Variants in WWOX observed in about 807,000 individuals in gnomAD.
WWOX encodes WW domain-containing oxidoreductase.
A neutral mutation model predicts 46.2 loss-of-function variants in WWOX; 69 were observed. The observed-to-expected ratio is 1.49, with a 90% confidence interval of 1.23 to 1.82. The LOEUF (loss-of-function observed/expected upper bound fraction) is 1.82, where lower values mean the gene tolerates loss of function less well. Among genes scored for constraint, WWOX ranks in the 40% most tolerant of loss-of-function variants. The pLI is 0.00. For synonymous variants in WWOX, 359 were observed against 202.6 expected, an observed-to-expected ratio of 1.77 and a Z score of -6.56; for missense variants, 919 against 542.6, an observed-to-expected ratio of 1.69 and a Z score of -6.89.
At chr16:78,806,085 C>T (rs1461689091) in intron 8 of WWOX, among the ~76,000 whole-genome samples, 1 of 152,150 alleles carries the variant, frequency 6.6e-6, no homozygotes, top group Non-Finnish European at 1.5e-5. Context: ...AATATATAAT[C>T]CCATAAATCT....
chr16:78,155,561 G>A (rs1421155800), intron 4 of WWOX, among the ~76,000 whole-genome samples: 1 of 152,152 alleles, frequency 6.6e-6, no homozygotes, highest in Non-Finnish European at 1.5e-5. Flanking sequence ...AAAAACTGAT[G>A]CTGTTCATTG....
chr16:78,296,243 T>G (rs1325549164), intron 5 of WWOX, among the ~76,000 whole-genome samples: 1 of 149,882 alleles, frequency 6.7e-6, no homozygotes, highest in Non-Finnish European at 1.5e-5. Flanking sequence ...CTATATAAAT[T>G]TATAAATTGG....
intron 5 of WWOX, among the ~76,000 whole-genome samples, chr16:78,382,177 C>A (rs62035788): frequency 0.057 from 8,650 of 152,132 alleles, 335 homozygotes; most frequent in Middle Eastern, 0.11. Flanking sequence ...TGTTGTTGTT[C>A]CTCACTTTCT....
intron 8 of WWOX, among the ~76,000 whole-genome samples, chr16:78,547,227 T>C (rs372960373): frequency 2.6e-4 from 39 of 150,964 alleles, no homozygotes; most frequent in African/African-American, 7.1e-4. Context: ...TGAACATTGA[T>C]TGAGCCTTTA....
rs1231079672 is a variant in WWOX, at chr16:78,144,429, C to CTATATA, written c.410-19741_410-19736dup. On this transcript the variant is annotated intron_variant, in intron 4 of 8. Transcript: ENST00000566780. ...GGTGCAAACGTGGTTTTTGCCATTA[C>CTATATA]TATATATATATATATATACACATAT... is the stretch of plus-strand genomic sequence containing the variant. 3.4e-3 allele frequency among the ~76,000 whole-genome samples: 53 copies of CTATATA among 15,388 alleles called. 7 individuals are homozygous for CTATATA. The highest frequency in any genetic ancestry group is 5.2e-3 in the African/African-American group (19 of 3,668). 10.1% of individuals were successfully genotyped at this position (15,388 alleles called of 152,430 possible).
chr16:78,698,733 A>G (rs1476632720), intron 8 of WWOX, among the ~76,000 whole-genome samples: 1 of 152,140 alleles, frequency 6.6e-6, no homozygotes, highest in Non-Finnish European at 1.5e-5. Flanking sequence ...CCCATCTACT[A>G]AGGAGACTGA....
At chr16:78,827,689 A>C (rs1484635121) in intron 8 of WWOX, among the ~76,000 whole-genome samples, 1 of 151,838 alleles carries the variant, frequency 6.6e-6, no homozygotes, top group Non-Finnish European at 1.5e-5. Flanking sequence ...AAAAAAAAAA[A>C]AATTAGCCAG....
intron 8 of WWOX, among the ~76,000 whole-genome samples, chr16:79,132,990 C>G (rs1597403619): frequency 6.6e-6 from 1 of 152,114 alleles, no homozygotes; most frequent in Non-Finnish European, 1.5e-5. Context: ...TTGGATCTTA[C>G]CAGTCCTGGC....
rs945523580 is a variant in WWOX at position 78,508,069 on chromosome 16, A to G, written c.1056+75317A>G. Among the ~76,000 whole-genome samples the G allele has an allele frequency of 2.0e-5, 3 of 151,538 alleles. No homozygotes were observed. In the East Asian group the frequency reaches 5.8e-4, roughly 29 times the overall value. ...GTCACTCAGGCTGGAGTGTAGTGGC[A>G]TGATCTTAGCTCACTGCATCCTCTG... is the stretch of plus-strand genomic sequence containing the variant. On this transcript the variant is annotated intron_variant, in intron 8 of 8. Coordinates refer to ENST00000566780, the MANE Select transcript of WWOX (RefSeq NM_016373.4).
intron 5 of WWOX, among the ~76,000 whole-genome samples, chr16:78,290,593 G>A (rs1796797424): frequency 6.6e-6 from 1 of 152,036 alleles, no homozygotes; most frequent in African/African-American, 2.4e-5. Context: ...GTAGTACTTT[G>A]AATTTTAAAT....
intron 5 of WWOX, among the ~76,000 whole-genome samples, chr16:78,182,351 C>A (rs1597320410): frequency 6.6e-6 from 1 of 152,100 alleles, no homozygotes; most frequent in Non-Finnish European, 1.5e-5. Flanking sequence ...AGGCTCCTGT[C>A]TGGCCATTCT....
At chr16:78,425,438 G>A (rs377028663) in intron 7 of WWOX, among the ~76,000 whole-genome samples, 4 of 152,262 alleles carry the variant, frequency 2.6e-5, no homozygotes, top group East Asian at 1.9e-4. Flanking sequence ...TAGAGCCTGC[G>A]AGATGAAATC....
chr16:78,181,200 A>G (rs554645649), intron 5 of WWOX, among the ~76,000 whole-genome samples: 3 of 152,218 alleles, frequency 2.0e-5, no homozygotes, highest in African/African-American at 7.2e-5. Flanking sequence ...AGACAGAGAG[A>G]GACAGAAGGA....
rs568807861 is a variant in WWOX, at chr16:78,676,455, C to CT, written c.1056+243705dup. 3.2e-3 allele frequency among the ~76,000 whole-genome samples: 475 copies of CT among 149,124 alleles called. 2 individuals carry two copies. The highest frequency in any genetic ancestry group is 0.011 in the African/African-American group (447 of 40,324). ...AGTTCCTGTTGCAGAAATTGGATCA[C>CT]TTACCTAAAAAGCTCCCCACCCCCA... On this transcript the variant is annotated intron_variant, in intron 8 of 8. Transcript: ENST00000566780.
At chr16:78,489,707 G>C (rs1256018400) in intron 8 of WWOX, among the ~76,000 whole-genome samples, 5 of 152,138 alleles carry the variant, frequency 3.3e-5, no homozygotes, top group Non-Finnish European at 5.9e-5. Flanking sequence ...GCTGGGCCCT[G>C]GCATGATGGC....
intron 5 of WWOX, among the ~76,000 whole-genome samples, chr16:78,309,275 G>C (rs56805056): frequency 1.3e-5 from 2 of 152,156 alleles, no homozygotes; most frequent in Non-Finnish European, 1.5e-5. Flanking sequence ...GTTTCTCTGC[G>C]TTCATTCTGC....
intron 4 of WWOX, among the ~76,000 whole-genome samples, chr16:78,131,921 C>T (rs972935449): frequency 6.6e-6 from 1 of 150,476 alleles, no homozygotes; most frequent in Non-Finnish European, 1.5e-5. Flanking sequence ...AAACATCTAA[C>T]AGCAAATATG....
intron 5 of WWOX, among the ~76,000 whole-genome samples, chr16:78,358,716 A>T (rs1341835109): frequency 6.6e-6 from 1 of 152,040 alleles, no homozygotes; most frequent in Non-Finnish European, 1.5e-5. Context: ...ATTATATACA[A>T]ATGAGGGAAA....
chr16:78,923,098 C>T (rs2045417202), intron 8 of WWOX, among the ~76,000 whole-genome samples: 2 of 151,554 alleles, frequency 1.3e-5, no homozygotes, highest in Admixed American at 6.6e-5. Flanking sequence ...TCTCCTGCCT[C>T]AGCCTTGCGA....
Sources: allele counts gnomAD v4.1 joint callset (sites outside exome capture counted in the v4.1 genomes callset), GRCh38; gene constraint gnomAD v4.1.1; transcripts MANE v1.5; gene names NCBI Gene and HGNC (gene_info 2026-07-23, HGNC 2026-07-21).